Variants in PDHX observed in about 807,000 individuals in gnomAD.
The protein encoded by PDHX is pyruvate dehydrogenase protein X component, mitochondrial.
Under a neutral mutation model 55.3 loss-of-function variants are expected in PDHX, and 33 were observed. The ratio of observed to expected loss-of-function variants is 0.60; its 90% CI spans 0.45 to 0.80. The LOEUF is 0.80. PDHX is among the 30% of genes least tolerant of loss of function. PDHX has a pLI of 0.00. For synonymous variants in PDHX, 226 were observed against 219.4 expected (o/e 1.03, Z -0.27); for missense variants, 622 against 619.9 (o/e 1.00, Z -0.04).
chr11:34,957,672 C>A (rs552261307), intron 4 of PDHX, 89 bp downstream of exon 4: 7 of 1,026,404 alleles, frequency 6.8e-6, no homozygotes, highest in Non-Finnish European at 1.1e-5. Context: ...ATTCGCACAT[C>A]GTTGTACATC....
chr11:34,954,457 C>T (rs1854859132), intron 3 of PDHX, among the ~76,000 whole-genome samples: 1 of 152,206 alleles, frequency 6.6e-6, no homozygotes, highest in African/African-American at 2.4e-5. Context: ...ACAGAAGCCT[C>T]ACACTAGTGA....
intron 5 of PDHX, among the ~76,000 whole-genome samples, chr11:34,963,180 C>G (rs949188897): frequency 2.0e-5 from 3 of 152,114 alleles, no homozygotes; most frequent in Non-Finnish European, 4.4e-5. Context: ...AAAATTTTAG[C>G]CTAATGTCGT....
At chr11:34,930,255 G>A (rs1007261575) in intron 1 of PDHX, among the ~76,000 whole-genome samples, 1 of 152,230 alleles carries the variant, frequency 6.6e-6, no homozygotes, top group Non-Finnish European at 1.5e-5. Context: ...GACCTTCAGA[G>A]TGAAGGAAAA....
At chr11:34,931,537 T>TG (rs1309719205) in intron 2 of PDHX, 53 bp downstream of exon 2, 11 of 870,354 alleles carry the variant, frequency 1.3e-5, no homozygotes, top group African/African-American at 3.5e-5. Flanking sequence ...GGTTATTTTG[T>TG]TTTGTTTTTT....
chr11:34,976,209 TTATC>T (rs1184408851), intron 7 of PDHX, among the ~76,000 whole-genome samples: 7 of 152,184 alleles, frequency 4.6e-5, no homozygotes, highest in African/African-American at 1.7e-4. Flanking sequence ...ACACCCCACA[TTATC>T]TATCTTCACT....
chr11:34,939,208 A>G (rs1854412087), intron 2 of PDHX, among the ~76,000 whole-genome samples: 1 of 152,150 alleles, frequency 6.6e-6, no homozygotes, highest in African/African-American at 2.4e-5. Context: ...TTCTCTTATT[A>G]ACTGTTTTTT....
At chr11:34,932,468 C>G (rs996686165) in intron 2 of PDHX, among the ~76,000 whole-genome samples, 19 of 152,152 alleles carry the variant, frequency 1.2e-4, no homozygotes, top group African/African-American at 4.6e-4. Flanking sequence ...ATGACTCTTA[C>G]ACGTAGAAAA....
chr11:34,916,068 A>C, upstream of PDHX: 3 of 953,254 alleles, frequency 3.1e-6, no homozygotes, highest in South Asian at 5.2e-5. Flanking sequence ...TTGCTTCCGA[A>C]CGCCAAGGTC....
At chr11:34,934,571 A>ATTTTTTTTTTTTTTTTTTTTTT (rs35227178) in intron 2 of PDHX, among the ~76,000 whole-genome samples, 2 of 92,414 alleles carry the variant, frequency 2.2e-5, no homozygotes, top group African/African-American at 4.4e-5. Context: ...GATATTATGG[A>ATTTTTTTTTTTTTTTTTTTTTT]TTTTTTTTTT....
intron 1 of PDHX, among the ~76,000 whole-genome samples, chr11:34,924,876 T>C (rs1462860463): frequency 6.6e-6 from 1 of 152,176 alleles, no homozygotes; most frequent in Non-Finnish European, 1.5e-5. Flanking sequence ...TTTGCCCATC[T>C]CTCTGTTTCT....
chr11:34,991,906 C>CAAAAAAAAAAAAAAAAAAAAAAAATAAAA, intron 9 of PDHX, among the ~76,000 whole-genome samples: 1 of 37,314 alleles, frequency 2.7e-5, no homozygotes, highest in African/African-American at 6.2e-5. Context: ...TGAGACTTCT[C>CAAAAAAAAAAAAAAAAAAAAAAAATAAAA]AAAAAAAAAA....
intron 1 of PDHX, among the ~76,000 whole-genome samples, chr11:34,925,345 C>T (rs376567142): frequency 1.3e-5 from 2 of 152,166 alleles, no homozygotes; most frequent in South Asian, 2.1e-4. Context: ...TATCTAGCTA[C>T]TTTTCAAACA....
intron 1 of PDHX, among the ~76,000 whole-genome samples, chr11:34,921,270 G>C (rs1057412765): frequency 6.6e-6 from 1 of 152,038 alleles, no homozygotes; most frequent in Non-Finnish European, 1.5e-5. Context: ...TATTTACTTT[G>C]TTTTCCTGTA....
intron 8 of PDHX, among the ~76,000 whole-genome samples, chr11:34,983,784 C>T (rs1034820394): frequency 3.9e-5 from 6 of 152,104 alleles, no homozygotes; most frequent in Admixed American, 3.3e-4. Context: ...AGAATACAAA[C>T]AAATGGAAGA....
chr11:34,952,016 G>A (rs1056438372), intron 3 of PDHX, among the ~76,000 whole-genome samples: 35 of 152,034 alleles, frequency 2.3e-4, no homozygotes, highest in African/African-American at 7.0e-4. Context: ...GTAGATATGC[G>A]GCGTTATTTC....
At chr11:34,992,198 CA>C (rs1390828986) in intron 9 of PDHX, 116 bp from the exon 10 acceptor site, 2 of 640,404 alleles carry the variant, frequency 3.1e-6, no homozygotes, top group East Asian at 2.9e-5. Flanking sequence ...ATATAGGTAA[CA>C]AAATCAAATC....
intron 1 of PDHX, among the ~76,000 whole-genome samples, chr11:34,923,593 A>G (rs911397633): frequency 6.6e-6 from 1 of 151,704 alleles, no homozygotes; most frequent in African/African-American, 2.4e-5. Flanking sequence ...ATAGATATTA[A>G]GTAATACTAG....
chr11:34,974,764 T>G (rs1202984087), intron 7 of PDHX, among the ~76,000 whole-genome samples: 2 of 151,952 alleles, frequency 1.3e-5, no homozygotes, highest in Non-Finnish European at 2.9e-5. Flanking sequence ...GAAAAACTAG[T>G]CGGGCAGATG....
At chr11:34,977,101 GA>G (rs1338160354) in intron 7 of PDHX, among the ~76,000 whole-genome samples, 5 of 152,150 alleles carry the variant, frequency 3.3e-5, no homozygotes, top group Non-Finnish European at 5.9e-5. Context: ...CAGTTATCGT[GA>G]CAGTTTGACA....
Sources: allele counts gnomAD v4.1 joint callset (sites outside exome capture counted in the v4.1 genomes callset), GRCh38; gene constraint gnomAD v4.1.1; transcripts MANE v1.5; gene names NCBI Gene and HGNC (gene_info 2026-07-23, HGNC 2026-07-21).